The following TENM3 variants were observed in gnomAD, a reference collection of about 807,000 sequenced individuals.
TENM3 encodes teneurin transmembrane protein 3, also known as teneurin-3.
In TENM3, 63 loss-of-function variants were observed where a neutral mutation model predicts 255.1. The ratio of observed to expected loss-of-function variants is 0.25; its 90% CI spans 0.20 to 0.30. The LOEUF is 0.30. TENM3 is among the 10% of genes least tolerant of loss of function. TENM3 has a pLI of 1.00. For missense variants in TENM3, 2,929 were observed against 3,461.1 expected (o/e 0.85, Z 3.86); for synonymous variants, 1,306 against 1,322.3 (o/e 0.99, Z 0.27).
At chr4:181,647,731 T>C in the TENM3 span, among the ~76,000 whole-genome samples, 1 of 152,092 alleles carries the variant, frequency 6.6e-6, no homozygotes, top group African/African-American at 2.4e-5. Context: ...GGATGTGCTG[T>C]GGGAAATAAG....
chr4:182,763,700 ACC>A (rs1491024061), intron 22 of TENM3, among the ~76,000 whole-genome samples: 1 of 152,236 alleles, frequency 6.6e-6, no homozygotes, highest in Non-Finnish European at 1.5e-5. Flanking sequence ...GGTTACAGGA[ACC>A]TTATATCTGG....
chr4:181,875,981 T>A, the TENM3 span, among the ~76,000 whole-genome samples: 1 of 152,230 alleles, frequency 6.6e-6, no homozygotes, highest in Non-Finnish European at 1.5e-5. Context: ...GTAAATGTGG[T>A]ATCTTTGGCC....
chr4:182,293,134 A>G (rs895533084), intron 1 of TENM3, among the ~76,000 whole-genome samples: 3 of 152,170 alleles, frequency 2.0e-5, no homozygotes, highest in Admixed American at 6.5e-5. Context: ...CCTACTTTTT[A>G]GCTGAAGAAC....
chr4:181,693,263 G>A, the TENM3 span, among the ~76,000 whole-genome samples: 1 of 152,172 alleles, frequency 6.6e-6, no homozygotes, highest in East Asian at 1.9e-4. Flanking sequence ...ACATTTATGG[G>A]GTTGTGCCTA....
At position 182,616,469 on chromosome 4, in the gene TENM3, A is replaced by C. The variant is rs978190784; in HGVS notation, c.750-12182A>C. Among the ~76,000 whole-genome samples the C allele has an allele frequency of 7.6e-5, 11 of 145,392 alleles. No homozygotes were observed. The East Asian group carries it at 1.2e-3, about 16-fold the overall frequency. On this transcript the variant is annotated intron_variant, in intron 4 of 27. Coordinates refer to ENST00000511685, the MANE Select transcript of TENM3 (RefSeq NM_001080477.4). Reference sequence around the variant, plus strand: ...GCGCACCAGCATGGCACATGTGTACATATGTAACTAACCTGCACAATGTGC... The same window carrying C: ...GCGCACCAGCATGGCACATGTGTACCTATGTAACTAACCTGCACAATGTGC...
intron 3 of TENM3, among the ~76,000 whole-genome samples, chr4:182,550,929 A>G (rs961600914): frequency 4.6e-5 from 7 of 152,152 alleles, no homozygotes; most frequent in Non-Finnish European, 1.0e-4. Flanking sequence ...CTGTCACAAA[A>G]AAAATCCTTG....
intron 1 of TENM3, among the ~76,000 whole-genome samples, chr4:182,167,321 C>T (rs1751784786): frequency 6.6e-6 from 1 of 152,172 alleles, no homozygotes; most frequent in Non-Finnish European, 1.5e-5. Flanking sequence ...TGTTTCATCT[C>T]ATTAGGCTTA....
At chr4:181,789,102 C>T in the TENM3 span, among the ~76,000 whole-genome samples, 3 of 152,018 alleles carry the variant, frequency 2.0e-5, no homozygotes, top group East Asian at 3.9e-4. Flanking sequence ...ACTAAGACGG[C>T]GATTAATATG....
chr4:182,754,449 A>T lies in TENM3; in HGVS notation c.4082A>T (p.Asp1361Val). ...NPMDNSIYVLDNNVVLQITEN... is the reference protein window; with the variant it reads ...NPMDNSIYVLVNNVVLQITEN... ...ATGGATAACTCCATTTATGTCCTGG[A>T]TAATAATGTAGTTTTACAGATCACT... Residue 1361 changes from aspartate to valine, a missense_variant, in exon 22 of 28, where the codon GAT (aspartate) becomes GTT (valine). Asp to Val is a radical substitution (Grantham distance 152). This residue lies in a region of TENM3 where 1,608 missense variants were observed against 1,884.4 expected (regional missense o/e 0.85). Transcript: ENST00000511685. This position sits in a 1 kb window ranked among gnomAD's most constrained non-coding sequence, Gnocchi z 5.1. The T allele has an allele frequency of 6.2e-7, 1 of 1,611,646 alleles. No homozygotes were observed.
the TENM3 span, among the ~76,000 whole-genome samples, chr4:181,732,690 A>G: frequency 2.6e-5 from 4 of 152,132 alleles, no homozygotes; most frequent in African/African-American, 9.7e-5. Context: ...TAGCAAACCA[A>G]GAAAAGAAGG....
In TENM3 at chr4:182,249,385, G is replaced by T. The variant is rs377480467; in HGVS notation, c.-76+5909G>T. Among the ~76,000 whole-genome samples, 7 of 152,274 alleles carry T rather than the reference G, an allele frequency of 4.6e-5. No homozygotes were observed. The East Asian group carries it at 7.7e-4, about 17-fold the overall frequency. On this transcript the variant is annotated intron_variant, in intron 1 of 27. Transcript: ENST00000511685. The stretch of plus-strand genomic sequence containing the variant: ...CCCAAATCTATGACTTACAACAAAG[G>T]TCTATTTTTTTACATATTTTGTGAG...
chr4:182,486,872 T>A (rs776531311), intron 3 of TENM3, among the ~76,000 whole-genome samples: 2 of 152,180 alleles, frequency 1.3e-5, no homozygotes, highest in Non-Finnish European at 2.9e-5. Flanking sequence ...ATGAGTCTAG[T>A]CCCTTGGGGG....
chr4:181,564,028 CTTTTCT>C, the TENM3 span, among the ~76,000 whole-genome samples: 5 of 94,714 alleles, frequency 5.3e-5, no homozygotes, highest in South Asian at 3.4e-4. Flanking sequence ...CTTTTCTTTT[CTTTTCT>C]TTTTTCTTTT....
At chr4:182,791,158 AAACT>A (rs1368508941) in intron 25 of TENM3, among the ~76,000 whole-genome samples, 1 of 152,378 alleles carries the variant, frequency 6.6e-6, no homozygotes, top group East Asian at 1.9e-4. Flanking sequence ...GGAACAATGC[AAACT>A]ATTAGGAACA....
chr4:181,843,640 T>G, the TENM3 span, among the ~76,000 whole-genome samples: 1 of 151,852 alleles, frequency 6.6e-6, no homozygotes. Context: ...GTTTATAAAG[T>G]AAAGAAATGG....
chr4:182,621,056 C>T (rs924900078), intron 4 of TENM3, among the ~76,000 whole-genome samples: 3 of 151,990 alleles, frequency 2.0e-5, no homozygotes, highest in African/African-American at 7.2e-5. Flanking sequence ...TGGCGGGCGC[C>T]TGTAGTCCCA....
At chr4:181,666,415 G>C in the TENM3 span, among the ~76,000 whole-genome samples, 1 of 152,138 alleles carries the variant, frequency 6.6e-6, no homozygotes, top group Non-Finnish European at 1.5e-5. Flanking sequence ...CTTGAAAGCA[G>C]CTTGTGCCCC....
In TENM3 at chr4:182,601,138, C is replaced by T. The variant is rs763777327; in HGVS notation, c.726C>T (p.Gly242=). 2.5e-5 allele frequency: 41 copies of T among 1,613,632 alleles called. No individual in the cohort carries two copies. Among genetic ancestry groups the T allele is most frequent in the Non-Finnish European group, 3.4e-5 (40 of 1,179,786 alleles). ...AGCTGCAGGACAGCTGGGTCCTTGG[C>T]AGTAATGTACCACTGGAAAGCAGGT... ...SVQLQDSWVL[G]SNVPLESRHF... Residue 242 remains glycine (G), a synonymous_variant, in exon 4 of 28, where the codon GGC becomes GGT. Coordinates refer to ENST00000511685, the MANE Select transcript of TENM3 (RefSeq NM_001080477.4).
At chr4:181,507,235 A>G in the TENM3 span, among the ~76,000 whole-genome samples, 1 of 152,214 alleles carries the variant, frequency 6.6e-6, no homozygotes, top group Non-Finnish European at 1.5e-5. Context: ...TTATTTTCAC[A>G]TGGCTAAAGT....
Sources: gnomAD v4.1 joint callset for allele counts (sites outside exome capture counted in the v4.1 genomes callset) on GRCh38, gnomAD v4.1.1 for gene constraint, gnomAD v4.1.1 regional missense constraint, Gnocchi (gnomAD v3.1) non-coding constraint, MANE v1.5 for transcripts, NCBI Gene and HGNC (gene_info 2026-07-23, HGNC 2026-07-21) for gene names.